MAPRE2: variants seen among roughly 807,000 people sequenced by gnomAD.
The protein encoded by MAPRE2 is microtubule associated protein RP/EB family member 2.
Under a neutral mutation model 43.2 loss-of-function variants are expected in MAPRE2, and 13 were observed. That is an observed-to-expected ratio of 0.30 (90% CI 0.20 to 0.48). The LOEUF (loss-of-function observed/expected upper bound fraction) is 0.48. MAPRE2 is among the 20% of genes least tolerant of loss of function. The pLI is 0.99. For missense variants in MAPRE2, 161 were observed against 400.2 expected (o/e 0.40, Z 5.10); for synonymous variants, 135 against 148.8 (o/e 0.91, Z 0.68).
intron 2 of MAPRE2, among the ~76,000 whole-genome samples, chr18:35,032,824 G>A (rs1367114062): frequency 6.6e-6 from 1 of 151,930 alleles, no homozygotes; most frequent in Non-Finnish European, 1.5e-5. Flanking sequence ...TATTTTTGGT[G>A]GATCTAGACC....
At chr18:35,022,501 T>C (rs2097042545) in intron 2 of MAPRE2, among the ~76,000 whole-genome samples, 1 of 152,206 alleles carries the variant, frequency 6.6e-6, no homozygotes, top group African/African-American at 2.4e-5. Flanking sequence ...AATTGAATCA[T>C]GCTTTTGAAC....
intron 4 of MAPRE2, among the ~76,000 whole-genome samples, chr18:35,126,647 A>G (rs1027328870): frequency 6.6e-6 from 1 of 152,192 alleles, no homozygotes; most frequent in Non-Finnish European, 1.5e-5. Context: ...AAAAATCTTA[A>G]AATCCCTTTG....
intron 2 of MAPRE2, among the ~76,000 whole-genome samples, chr18:35,020,312 G>A (rs1169151392): frequency 6.6e-6 from 1 of 152,064 alleles, no homozygotes; most frequent in Non-Finnish European, 1.5e-5. Flanking sequence ...ATCCTACTTT[G>A]GATGCTGATG....
chr18:34,996,444 G>A (rs1208879521), intron 1 of MAPRE2, among the ~76,000 whole-genome samples: 1 of 152,166 alleles, frequency 6.6e-6, no homozygotes, highest in Non-Finnish European at 1.5e-5. Flanking sequence ...AGGAGGCAGA[G>A]CTTAAGTGGT....
At chr18:35,099,915 T>A (rs1381643993) in intron 3 of MAPRE2, among the ~76,000 whole-genome samples, 1 of 152,256 alleles carries the variant, frequency 6.6e-6, no homozygotes, top group African/African-American at 2.4e-5. Flanking sequence ...CTTCCAAATT[T>A]TCATTGATAT....
intron 1 of MAPRE2, among the ~76,000 whole-genome samples, chr18:34,988,128 A>T (rs2097021953): frequency 6.6e-6 from 1 of 152,200 alleles, no homozygotes; most frequent in Non-Finnish European, 1.5e-5. Context: ...TACCAATACC[A>T]CATATTCATA....
At chr18:35,023,051 A>G (rs913412755) in intron 2 of MAPRE2, among the ~76,000 whole-genome samples, 2 of 152,210 alleles carry the variant, frequency 1.3e-5, no homozygotes, top group African/African-American at 4.8e-5. Context: ...GAATTTTTAG[A>G]GTGACACTCA....
chr18:35,065,912 C>G (rs561896127), intron 1 of MAPRE2, among the ~76,000 whole-genome samples: 7 of 152,322 alleles, frequency 4.6e-5, no homozygotes, highest in Admixed American at 3.9e-4. Flanking sequence ...TTGAAAGCCA[C>G]AAAGTGGGAG....
intron 1 of MAPRE2, among the ~76,000 whole-genome samples, chr18:35,044,988 A>G (rs1309544087): frequency 6.6e-6 from 1 of 152,206 alleles, no homozygotes; most frequent in Non-Finnish European, 1.5e-5. Flanking sequence ...CCTTGATTAG[A>G]AAAGCAAGCT....
chr18:34,996,352 C>T (rs961214078), intron 1 of MAPRE2, among the ~76,000 whole-genome samples: 37 of 152,076 alleles, frequency 2.4e-4, no homozygotes, highest in Admixed American at 1.5e-3. Flanking sequence ...TCATAAGCAG[C>T]GGGCAACCTA....
chr18:35,068,344 G>A (rs1282023404), intron 1 of MAPRE2, among the ~76,000 whole-genome samples: 1 of 152,088 alleles, frequency 6.6e-6, no homozygotes, highest in African/African-American at 2.4e-5. Flanking sequence ...TATACAAGTT[G>A]GCCTTGGAAC....
At chr18:35,111,351 G>C (rs932116362) in intron 4 of MAPRE2, among the ~76,000 whole-genome samples, 1 of 151,762 alleles carries the variant, frequency 6.6e-6, no homozygotes, top group Non-Finnish European at 1.5e-5. Context: ...CACTAAACAC[G>C]CTTATGGTAG....
intron 2 of MAPRE2, among the ~76,000 whole-genome samples, chr18:35,030,033 A>G (rs578145410): frequency 1.3e-4 from 20 of 152,260 alleles, no homozygotes; most frequent in Admixed American, 2.6e-4. Context: ...ACTGAGAAAT[A>G]AAATAGCTAA....
intron 2 of MAPRE2, among the ~76,000 whole-genome samples, chr18:35,010,233 A>C (rs2097033837): frequency 6.6e-6 from 1 of 152,196 alleles, no homozygotes. Context: ...TACAAAAAAA[A>C]TAAATAAATA....
chr18:35,038,891 G>A (rs891262773), upstream of MAPRE2, among the ~76,000 whole-genome samples: 2 of 152,214 alleles, frequency 1.3e-5, no homozygotes, highest in Admixed American at 1.3e-4. Flanking sequence ...CAGTCTTAGA[G>A]GAAGATTTAC....
At chr18:35,065,059 C>T (rs1487632176) in intron 1 of MAPRE2, among the ~76,000 whole-genome samples, 2 of 152,124 alleles carry the variant, frequency 1.3e-5, no homozygotes, top group African/African-American at 2.4e-5. Context: ...CTTTGGGAGG[C>T]CAAGGTGGGC....
At chr18:35,018,668 A>G (rs1220924401) in intron 2 of MAPRE2, among the ~76,000 whole-genome samples, 1 of 151,778 alleles carries the variant, frequency 6.6e-6, no homozygotes, top group African/African-American at 2.4e-5. Flanking sequence ...GGTCAGTTGT[A>G]ATGTCACCTT....
Position 34,993,255 on chromosome 18 carries a change from C to CG in MAPRE2, c.-69-12237_-69-12236insG, listed in dbSNP as rs1389165650. The stretch of plus-strand genomic sequence containing the variant: ...TATAGGTGTATACCACCATTCCCGC[C>CG]TTTTTTTTTTTTTTTTTTTTTACTT... On this transcript the variant is annotated intron_variant, in intron 1 of 7. Coordinates refer to the MAPRE2 transcript ENST00000413393. Among the ~76,000 whole-genome samples, 17 of 130,072 alleles carry CG rather than the reference C, an allele frequency of 1.3e-4. No homozygotes were observed. The East Asian group carries it at 3.6e-3, about 27-fold the overall frequency. 85.3% of individuals were successfully genotyped at this position (130,072 alleles called of 152,430 possible). A position where few individuals can be genotyped will look rare whatever the true frequency, so the allele number is the denominator to read the frequency against.
At chr18:35,105,912 A>T (rs550463356) in intron 4 of MAPRE2, among the ~76,000 whole-genome samples, 2 of 152,106 alleles carry the variant, frequency 1.3e-5, no homozygotes. Context: ...GTCCCTTACA[A>T]TTCTTAGAAT....
Sources: allele counts gnomAD v4.1 joint callset (sites outside exome capture counted in the v4.1 genomes callset), GRCh38; gene constraint gnomAD v4.1.1; transcripts MANE v1.5; gene names NCBI Gene and HGNC (gene_info 2026-07-23, HGNC 2026-07-21).